The following ANKFN1 variants were observed in gnomAD, a reference collection of about 807,000 sequenced individuals.
ANKFN1 encodes ankyrin repeat and fibronectin type III domain containing 1, also known as ankyrin repeat and fibronectin type-III domain-containing protein 1.
ANKFN1 carries 74 observed loss-of-function variants against 108.7 expected under a neutral mutation model. The ratio of observed to expected loss-of-function variants is 0.68; its 90% CI spans 0.56 to 0.83. ANKFN1 has a LOEUF of 0.83. Ranked by LOEUF, ANKFN1 falls within the 40% of genes least tolerant of loss-of-function variation. The pLI, the probability that ANKFN1 is intolerant of heterozygous loss-of-function variation, is 0.00. For synonymous variants in ANKFN1, 547 were observed against 516.2 expected (o/e 1.06, Z -0.81); for missense variants, 1,505 against 1,382.3 (o/e 1.09, Z -1.41).
chr17:56,194,507 A>G (rs1009484977), intron 1 of ANKFN1, among the ~76,000 whole-genome samples: 3 of 152,190 alleles, frequency 2.0e-5, no homozygotes, highest in Non-Finnish European at 4.4e-5. Context: ...AAGGCAACAT[A>G]TTGTATGATT....
intron 4 of ANKFN1, among the ~76,000 whole-genome samples, chr17:56,096,764 G>A (rs929165839): frequency 5.9e-5 from 9 of 152,176 alleles, no homozygotes; most frequent in Admixed American, 1.3e-4. Flanking sequence ...ATTATTGGGT[G>A]TATACCCAAA....
intron 8 of ANKFN1, among the ~76,000 whole-genome samples, chr17:56,393,569 G>T (rs541074318): frequency 2.3e-4 from 35 of 152,144 alleles, no homozygotes; most frequent in Non-Finnish European, 8.8e-5. Flanking sequence ...CTAAACTCTT[G>T]ATAAGAAACA....
chr17:56,212,268 A>C (rs1309755254), intron 1 of ANKFN1, among the ~76,000 whole-genome samples: 1 of 151,958 alleles, frequency 6.6e-6, no homozygotes, highest in Non-Finnish European at 1.5e-5. Flanking sequence ...GATTTTGTCA[A>C]ATGCTTTTTC....
At chr17:56,431,960 G>T (rs996818744) in intron 8 of ANKFN1, among the ~76,000 whole-genome samples, 1 of 152,130 alleles carries the variant, frequency 6.6e-6, no homozygotes, top group Non-Finnish European at 1.5e-5. Flanking sequence ...AGCAACATGG[G>T]TATGGCTCTG....
At chr17:56,344,397 A>T (rs1029319229) in intron 4 of ANKFN1, among the ~76,000 whole-genome samples, 1 of 152,054 alleles carries the variant, frequency 6.6e-6, no homozygotes, top group African/African-American at 2.4e-5. Flanking sequence ...AGAGCTCTGC[A>T]TGTGTGTGTT....
chr17:56,322,663 T>C (rs1419263143), intron 3 of ANKFN1, among the ~76,000 whole-genome samples: 1 of 152,240 alleles, frequency 6.6e-6, no homozygotes, highest in African/African-American at 2.4e-5. Flanking sequence ...ACGCCGAACC[T>C]GTTTCTTCTT....
chr17:56,450,779 G>A (rs759273160), intron 11 of ANKFN1, among the ~76,000 whole-genome samples: 1 of 152,094 alleles, frequency 6.6e-6, no homozygotes, highest in Non-Finnish European at 1.5e-5. Context: ...TGATCAGAGG[G>A]GGAAAAGCTG....
At position 56,353,825 on chromosome 17, in the gene ANKFN1, C is replaced by T. The variant is rs550966854; in HGVS notation, c.391-11C>T. The T allele has an allele frequency of 1.9e-6, 3 of 1,613,500 alleles. No individual in the cohort carries two copies. In the East Asian group the frequency reaches 6.7e-5, roughly 36 times the overall value. On this transcript the variant is annotated splice_polypyrimidine_tract_variant and intron_variant, in intron 5 of 20. Coordinates refer to ENST00000682825, the MANE Select transcript of ANKFN1 (RefSeq NM_001370326.1). The stretch of plus-strand genomic sequence containing the variant: ...AAGAAATTGTGCTGATCTACTTTTG[C>T]TCCTCTCTAGAATTTCCAGGGCAAT...
chr17:56,278,751 C>T (rs2043997875), intron 3 of ANKFN1, among the ~76,000 whole-genome samples: 1 of 152,154 alleles, frequency 6.6e-6, no homozygotes, highest in African/African-American at 2.4e-5. Context: ...TAAAAGATGC[C>T]TTATGACCAA....
At chr17:56,213,243 A>G in intron 2 of ANKFN1, among the ~76,000 whole-genome samples, 1 of 152,140 alleles carries the variant, frequency 6.6e-6, no homozygotes, top group Non-Finnish European at 1.5e-5. Flanking sequence ...ATGTGACTCA[A>G]CCATCCCGTC....
chr17:56,388,065 A>G (rs970429613), intron 8 of ANKFN1, among the ~76,000 whole-genome samples: 2 of 151,692 alleles, frequency 1.3e-5, no homozygotes, highest in African/African-American at 4.8e-5. Flanking sequence ...GCCACTTTTA[A>G]CATTTTTTAG....
chr17:56,164,161 G>T (rs1205837854), intron 1 of ANKFN1, among the ~76,000 whole-genome samples: 1 of 152,088 alleles, frequency 6.6e-6, no homozygotes, highest in African/African-American at 2.4e-5. Flanking sequence ...CACTCACCTT[G>T]CTTTTCCACC....
chr17:56,091,451 CA>C (rs1905417739), intron 4 of ANKFN1, among the ~76,000 whole-genome samples: 1 of 149,196 alleles, frequency 6.7e-6, no homozygotes, highest in Non-Finnish European at 1.5e-5. Context: ...CACACACACA[CA>C]CACACACACA....
At chr17:56,359,458 C>CCTTT (rs1157422939) in intron 6 of ANKFN1, among the ~76,000 whole-genome samples, 1 of 152,056 alleles carries the variant, frequency 6.6e-6, no homozygotes, top group Admixed American at 6.6e-5. Flanking sequence ...GTCTTTCTGC[C>CCTTT]CTTTCCCTTA....
chr17:56,249,978 T>A (rs1567863318), intron 3 of ANKFN1, among the ~76,000 whole-genome samples: 1 of 152,208 alleles, frequency 6.6e-6, no homozygotes, highest in Non-Finnish European at 1.5e-5. Context: ...GGAATGGTGT[T>A]ACTGTACACA....
At chr17:56,258,523 C>T (rs577597351) in intron 3 of ANKFN1, among the ~76,000 whole-genome samples, 4 of 152,204 alleles carry the variant, frequency 2.6e-5, no homozygotes, top group African/African-American at 9.6e-5. Context: ...TACCACTGGG[C>T]AGAATTTGGA....
At chr17:56,391,391 T>C (rs1567967295) in intron 8 of ANKFN1, among the ~76,000 whole-genome samples, 1 of 148,432 alleles carries the variant, frequency 6.7e-6, no homozygotes, top group Non-Finnish European at 1.5e-5. Context: ...TGTGTGTGTG[T>C]GTGTGTGTGT....
intron 3 of ANKFN1, among the ~76,000 whole-genome samples, chr17:56,270,586 A>T (rs1050966425): frequency 3.3e-5 from 5 of 152,170 alleles, no homozygotes; most frequent in African/African-American, 1.2e-4. Flanking sequence ...AAATCAGAGC[A>T]TGCCCTCCCC....
intron 8 of ANKFN1, among the ~76,000 whole-genome samples, chr17:56,387,646 G>T (rs1567964425): frequency 1.3e-5 from 2 of 152,166 alleles, no homozygotes; most frequent in Non-Finnish European, 2.9e-5. Context: ...TATAAAGTAT[G>T]AATGTGTGTG....
Sources: gnomAD v4.1 joint callset for allele counts (sites outside exome capture counted in the v4.1 genomes callset) on GRCh38, gnomAD v4.1.1 for gene constraint, MANE v1.5 for transcripts, NCBI Gene and HGNC (gene_info 2026-07-23, HGNC 2026-07-21) for gene names.